TRIM42: variants seen among roughly 807,000 people sequenced by gnomAD.
TRIM42 encodes the protein tripartite motif containing 42, also known as tripartite motif-containing protein 42.
A neutral mutation model predicts 64.9 loss-of-function variants in TRIM42; 59 were observed. That is an observed-to-expected ratio of 0.91 (90% CI 0.74 to 1.13). The LOEUF (loss-of-function observed/expected upper bound fraction) is 1.13, where lower values mean the gene tolerates loss of function less well. Ranked by LOEUF, TRIM42 falls within the 50% of genes most tolerant of loss-of-function variation. The pLI, the probability that TRIM42 is intolerant of heterozygous loss-of-function variation, is 0.00. For synonymous variants in TRIM42, 354 were observed against 346.3 expected (o/e 1.02, Z -0.25); for missense variants, 878 against 929.5 (o/e 0.94, Z 0.72).
At chr3:140,691,378 GAGAA>G (rs1988708984) in intron 4 of TRIM42, among the ~76,000 whole-genome samples, 186 bp downstream of exon 4, 2 of 152,330 alleles carry the variant, frequency 1.3e-5, no homozygotes, top group Middle Eastern at 3.4e-3. Context: ...GATGTCGCCT[GAGAA>G]TTGTTCTATT....
chr3:140,689,210 C>T (rs1043133494), intron 3 of TRIM42, among the ~76,000 whole-genome samples: 1 of 152,182 alleles, frequency 6.6e-6, no homozygotes, highest in Non-Finnish European at 1.5e-5. Flanking sequence ...TTTAACATAC[C>T]TTTCAAATCT....
In TRIM42 at chr3:140,678,161, C is replaced by G; in HGVS notation, c.-69C>G. 7.2e-7 allele frequency: 1 copy of G among 1,394,384 alleles called. No homozygotes were observed. Among genetic ancestry groups the G allele is most frequent in the Non-Finnish European group, 1.0e-6 (1 of 998,192 alleles). The allele number at this position is 1,394,384 out of a possible 1,614,324, so 86.4% of individuals were successfully genotyped here. A position where few individuals can be genotyped will look rare whatever the true frequency, so the allele number is the denominator to read the frequency against. On this transcript the variant is annotated 5_prime_UTR_variant, in exon 1 of 5. Transcript: ENST00000286349. The stretch of plus-strand genomic sequence containing the variant: ...GAGGAAGGACTCCTCCACTGGAGAA[C>G]TGATAGCAGTATTCTGGTAGAGGAG...
At chr3:140,684,567 G>C (rs1236839370) in intron 2 of TRIM42, among the ~76,000 whole-genome samples, 1 of 152,168 alleles carries the variant, frequency 6.6e-6, no homozygotes, top group Non-Finnish European at 1.5e-5. Flanking sequence ...AACAGGCTTT[G>C]CTAATGACCA....
At chr3:140,691,920 G>C (rs572269207) in intron 4 of TRIM42, among the ~76,000 whole-genome samples, 2 of 152,094 alleles carry the variant, frequency 1.3e-5, no homozygotes, top group South Asian at 2.1e-4. Context: ...AACCATAAGG[G>C]TGTTCTTTGG....
chr3:140,688,505 T>G lies in TRIM42; in HGVS notation c.1823T>G (p.Val608Gly), dbSNP rs1471440609. The change falls in exon 3 of 5, where the codon GTT (valine) becomes GGT (glycine). Residue 608 changes from valine (V) to glycine (G), a missense_variant. Physicochemically the swap from Val to Gly is moderately radical, Grantham distance 109. Transcript: ENST00000286349. The stretch of plus-strand genomic sequence containing the variant: ...TCTGTGAAGACCCCAGGCCCAATTG[T>G]TATCTACCAGACTCTGGTGTACCCA... ...DGSVKTPGPIVIYQTLVYPRA... is the reference protein window; with the variant it reads ...DGSVKTPGPIGIYQTLVYPRA... 5 of 1,613,648 alleles carry G rather than the reference T, an allele frequency of 3.1e-6. No homozygotes were observed. Among genetic ancestry groups the G allele is most frequent in the Admixed American group, 3.3e-5 (2 of 60,006 alleles).
intron 2 of TRIM42, among the ~76,000 whole-genome samples, chr3:140,684,444 C>G (rs72977031): frequency 1.3e-5 from 2 of 152,142 alleles, no homozygotes; most frequent in African/African-American, 4.8e-5. Context: ...AGGCCTTTCT[C>G]TTTGTCAGAT....
Position 140,678,191 on chromosome 3 carries a change from C to G in TRIM42, c.-39C>G. ...AGCAGTATTCTGGTAGAGGAGGCAT[C>G]AAGAGTCCTGGGAGGCCGGTGGTAA... On this transcript the variant is annotated 5_prime_UTR_variant, in exon 1 of 5. The change creates a new upstream start codon in the 5' untranslated region. Transcript: ENST00000286349. 1.1e-5 allele frequency: 17 copies of G among 1,561,638 alleles called. No homozygotes were observed. The highest frequency in any genetic ancestry group is 1.5e-5 in the Non-Finnish European group (17 of 1,138,706).
At position 140,696,791 on chromosome 3, in the gene TRIM42, T is replaced by C. The variant is rs192013412; in HGVS notation, c.2086-4097T>C. On this transcript the variant is annotated intron_variant, in intron 4 of 4. Coordinates refer to ENST00000286349, the MANE Select transcript of TRIM42 (RefSeq NM_152616.5). ...TCTTCTTATAAAGACACCGGTTAGG[T>C]TGGATTAGGGTCCTCATTTTAATTA... Among the ~76,000 whole-genome samples the C allele has an allele frequency of 6.8e-3, 1,031 of 152,298 alleles. 6 individuals are homozygous for C. Among genetic ancestry groups the C allele is most frequent in the Non-Finnish European group, 0.011 (739 of 68,016 alleles).
At position 140,687,794 on chromosome 3, in the gene TRIM42, C is replaced by A. The variant is rs775472975; in HGVS notation, c.1112C>A (p.Ala371Glu). The A allele has an allele frequency of 2.5e-6, 4 of 1,614,014 alleles. No individual in the cohort carries two copies. The African/African-American group carries it at 5.3e-5, about 22-fold the overall frequency. The change falls in exon 3 of 5, where the codon GCA (alanine) becomes GAA (glutamate). Residue 371 changes from alanine to glutamate, a missense_variant. Coordinates refer to ENST00000286349, the MANE Select transcript of TRIM42 (RefSeq NM_152616.5). Reference sequence around the variant, plus strand: ...AACAGCTTTAAAGCTGACAAGGAGGCAAAGCGAAAAGAGATCAGAAATGGC... The same window carrying A: ...AACAGCTTTAAAGCTGACAAGGAGGAAAAGCGAAAAGAGATCAGAAATGGC... ...LKNSFKADKE[A>E]KRKEIRNGFL...
chr3:140,686,718 AC>A (rs1169511365), intron 2 of TRIM42, among the ~76,000 whole-genome samples: 8 of 152,206 alleles, frequency 5.3e-5, no homozygotes, highest in African/African-American at 1.7e-4. Flanking sequence ...CCATCAATTC[AC>A]TGAAGAGTTT....
chr3:140,683,060 A>G lies in TRIM42; in HGVS notation c.940A>G (p.Lys314Glu), dbSNP rs772433135. The G allele has an allele frequency of 3.7e-6, 6 of 1,614,212 alleles. No individual in the cohort carries two copies. The highest frequency in any genetic ancestry group is 2.5e-6 in the Non-Finnish European group (3 of 1,180,040). Residue 314 changes from lysine to glutamate, a missense_variant, in exon 2 of 5, where the codon AAG (lysine) becomes GAG (glutamate). Lys to Glu is a moderately conservative substitution (Grantham distance 56). Coordinates refer to ENST00000286349, the MANE Select transcript of TRIM42 (RefSeq NM_152616.5). The part of the protein sequence containing the change: ...NDNKLLCTFC[K>E]FSFHNGHDTI... ...CAACAAATTGCTCTGCACCTTCTGCAAGTTCTCTTTCCACAATGGCCACGA... is the reference window on the plus strand; with the variant it reads ...CAACAAATTGCTCTGCACCTTCTGCGAGTTCTCTTTCCACAATGGCCACGA...
intron 1 of TRIM42, 98 bp from the exon 2 acceptor site, chr3:140,682,364 G>C: frequency 8.2e-7 from 1 of 1,213,826 alleles, no homozygotes; most frequent in Non-Finnish European, 1.2e-6. Flanking sequence ...CACCACACTA[G>C]ACTGCCCCTC....
rs553965716 is a variant in TRIM42 at position 140,678,657 on chromosome 3, A to G, written c.341+87A>G. 876 of 1,116,326 alleles carry G rather than the reference A, an allele frequency of 7.8e-4. 1 individual carries two copies. The highest frequency in any genetic ancestry group is 1.1e-3 in the Non-Finnish European group (848 of 793,420). 69.2% of individuals were successfully genotyped at this position (1,116,326 alleles called of 1,614,324 possible). A position where few individuals can be genotyped will look rare whatever the true frequency, so the allele number is the denominator to read the frequency against. On this transcript the variant is annotated intron_variant, in intron 1 of 4. Coordinates refer to ENST00000286349, the MANE Select transcript of TRIM42 (RefSeq NM_152616.5). ...AGCTGTGAAGTCTACAGGGCAGGCCAGTGAGCCTCTGAGTTCATTTCTTTA... is the reference window on the plus strand; with the variant it reads ...AGCTGTGAAGTCTACAGGGCAGGCCGGTGAGCCTCTGAGTTCATTTCTTTA...
chr3:140,699,954 C>A (rs1433619507), intron 4 of TRIM42, among the ~76,000 whole-genome samples: 1 of 152,176 alleles, frequency 6.6e-6, no homozygotes, highest in East Asian at 1.9e-4. Flanking sequence ...AAGCTTTGTA[C>A]ATAGAGACTT....
intron 1 of TRIM42, 138 bp downstream of exon 1, chr3:140,678,708 G>T (rs1449011819): frequency 8.7e-6 from 6 of 690,396 alleles, no homozygotes; most frequent in Non-Finnish European, 9.6e-6. Context: ...CAAGAATTTT[G>T]TAGCAATTAA....
Position 140,682,579 on chromosome 3 carries a change from C to G in TRIM42, c.459C>G (p.Arg153=), listed in dbSNP as rs114532663. Residue 153 remains arginine, a synonymous_variant, in exon 2 of 5, where the codon CGC becomes CGG. Transcript: ENST00000286349. ...ATTGCCCCATGTGCAGCCGGCTGCG[C>G]CTGCACTCATTCATGCTGCCCTGCA... ...HLNCPMCSRL[R]LHSFMLPCNH... 3.1e-6 allele frequency: 5 copies of G among 1,614,246 alleles called. No homozygotes were observed. The South Asian group carries it at 5.5e-5, about 18-fold the overall frequency.
chr3:140,678,097 A>C lies in TRIM42; in HGVS notation c.-133A>C. On this transcript the variant is annotated 5_prime_UTR_variant, in exon 1 of 5. Transcript: ENST00000286349. ...CAGCTGTGAAGTCCTCATAACAGCC[A>C]ACTTCTTGCAACTTTCAAGCTGACG... 1 of 807,382 alleles carries C rather than the reference A, an allele frequency of 1.2e-6. No individual in the cohort carries two copies. Among genetic ancestry groups the C allele is most frequent in the Non-Finnish European group, 2.0e-6 (1 of 489,204 alleles). 50.0% of individuals were successfully genotyped at this position (807,382 alleles called of 1,614,324 possible). A position where few individuals can be genotyped will look rare whatever the true frequency, so the allele number is the denominator to read the frequency against.
intron 2 of TRIM42, among the ~76,000 whole-genome samples, chr3:140,684,938 G>A (rs975061844): frequency 1.2e-4 from 19 of 152,256 alleles, no homozygotes; most frequent in African/African-American, 4.3e-4. Context: ...TGAGTCCAGG[G>A]CACCTAAAAT....
intron 4 of TRIM42, among the ~76,000 whole-genome samples, chr3:140,698,710 T>C (rs964958968): frequency 5.9e-5 from 9 of 152,156 alleles, no homozygotes; most frequent in African/African-American, 2.2e-4. Flanking sequence ...CTATTTCTGT[T>C]TGTAGGGTAA....
Sources: gnomAD v4.1 joint callset for allele counts (sites outside exome capture counted in the v4.1 genomes callset) on GRCh38, gnomAD v4.1.1 for gene constraint, MANE v1.5 for transcripts, NCBI Gene and HGNC (gene_info 2026-07-23, HGNC 2026-07-21) for gene names.